Variants in SMIM36 observed in about 807,000 individuals in gnomAD.
SMIM36 encodes the protein small integral membrane protein 36.
chr17:55,459,062 T>C (rs754076698), intron 4 of SMIM36, among the ~76,000 whole-genome samples: 6 of 152,172 alleles, frequency 3.9e-5, no homozygotes, highest in Non-Finnish European at 7.3e-5. Context: ...TTCACCCCTA[T>C]ACACTACTAA....
intron 1 of SMIM36, among the ~76,000 whole-genome samples, chr17:55,492,041 C>T (rs576730406): frequency 1.3e-5 from 2 of 151,590 alleles, no homozygotes; most frequent in Admixed American, 6.6e-5. Context: ...CACCTGTAGT[C>T]CCAGCTACTC....
intron 1 of SMIM36, among the ~76,000 whole-genome samples, chr17:55,488,923 A>G (rs865863716): frequency 8.8e-6 from 1 of 113,388 alleles, no homozygotes; most frequent in Non-Finnish European, 2.0e-5. Flanking sequence ...CATCATCATC[A>G]TCATCATTGC....
At chr17:55,453,035 G>A (rs1908949683) in intron 4 of SMIM36, among the ~76,000 whole-genome samples, 2 of 152,210 alleles carry the variant, frequency 1.3e-5, no homozygotes, top group African/African-American at 4.8e-5. Context: ...CGGGCTGGGT[G>A]TGGTTGGCTC....
chr17:55,516,629 G>A, the SMIM36 span, among the ~76,000 whole-genome samples: 1 of 144,102 alleles, frequency 6.9e-6, no homozygotes, highest in African/African-American at 2.6e-5. Flanking sequence ...CACAGTCTTG[G>A]CTCACTGCAA....
chr17:55,508,915 C>G (rs1910131715), intron 1 of SMIM36, among the ~76,000 whole-genome samples: 1 of 116,952 alleles, frequency 8.6e-6, no homozygotes, highest in Non-Finnish European at 1.6e-5. Context: ...AAGGGCAAGG[C>G]TCTGTCTCAG....
At chr17:55,478,345 T>G (rs1909461869) in intron 3 of SMIM36, among the ~76,000 whole-genome samples, 1 of 151,936 alleles carries the variant, frequency 6.6e-6, no homozygotes, top group East Asian at 1.9e-4. Context: ...GTGATCCTCC[T>G]GCCTCAGCCT....
At chr17:55,465,875 A>T (rs1474625171) in intron 4 of SMIM36, among the ~76,000 whole-genome samples, 1 of 152,190 alleles carries the variant, frequency 6.6e-6, no homozygotes, top group African/African-American at 2.4e-5. Flanking sequence ...CAGTCTCTGC[A>T]TAGGTGATTT....
chr17:55,471,831 C>T (rs955549142), intron 3 of SMIM36, among the ~76,000 whole-genome samples: 1 of 152,186 alleles, frequency 6.6e-6, no homozygotes, highest in African/African-American at 2.4e-5. Flanking sequence ...AACTTGACCT[C>T]ACAGTTCTGG....
At chr17:55,458,364 C>T (rs1159816355) in intron 4 of SMIM36, 1 of 152,080 alleles carries the variant, frequency 6.6e-6, no homozygotes, top group African/African-American at 2.4e-5. Flanking sequence ...TATGGGAGTG[C>T]TGGGAAGGGA....
chr17:55,469,073 C>T lies in SMIM36; in HGVS notation c.*348-1745G>A, dbSNP rs891717564. On this transcript the variant is annotated intron_variant, in intron 3 of 4. Coordinates refer to ENST00000636752, the Ensembl canonical transcript of SMIM36. Reference sequence around the variant, plus strand: ...CCTGTCTGTTCCTTCAGTCTCCACCCCAAGTTCTGAGTCCTTTGAATCCTC... The same window carrying T: ...CCTGTCTGTTCCTTCAGTCTCCACCTCAAGTTCTGAGTCCTTTGAATCCTC... 5.3e-5 allele frequency among the ~76,000 whole-genome samples: 8 copies of T among 152,154 alleles called. No homozygotes were observed. The South Asian group carries it at 1.7e-3, about 32-fold the overall frequency.
chr17:55,464,934 G>T (rs1172762802), intron 4 of SMIM36, among the ~76,000 whole-genome samples: 1 of 152,138 alleles, frequency 6.6e-6, no homozygotes, highest in Non-Finnish European at 1.5e-5. Context: ...ATAGGCAATT[G>T]ATAAAATGGA....
At chr17:55,500,127 AT>A (rs199545953) in intron 1 of SMIM36, among the ~76,000 whole-genome samples, 2 of 149,642 alleles carry the variant, frequency 1.3e-5, no homozygotes, top group Admixed American at 1.3e-4. Context: ...ATTAAAAAAA[AT>A]TTTTTTTTTA....
chr17:55,483,996 G>C (rs962396831), intron 1 of SMIM36, among the ~76,000 whole-genome samples: 35 of 151,940 alleles, frequency 2.3e-4, no homozygotes, highest in African/African-American at 8.2e-4. Context: ...CATTCTATTA[G>C]CTTTGTTTCT....
At chr17:55,466,277 CAAAAAA>C (rs796506078) in intron 4 of SMIM36, among the ~76,000 whole-genome samples, 4 of 46,882 alleles carry the variant, frequency 8.5e-5, no homozygotes, top group Non-Finnish European at 1.6e-4. Flanking sequence ...GACTCCGTCT[CAAAAAA>C]AAAAAAAAAA....
chr17:55,456,440 C>T (rs1349588662), intron 4 of SMIM36, among the ~76,000 whole-genome samples: 2 of 152,184 alleles, frequency 1.3e-5, no homozygotes, highest in Non-Finnish European at 2.9e-5. Flanking sequence ...AACAATTTAT[C>T]ATTCCATCTT....
At chr17:55,500,064 A>G (rs1172999612) in intron 1 of SMIM36, among the ~76,000 whole-genome samples, 4 of 151,644 alleles carry the variant, frequency 2.6e-5, no homozygotes, top group South Asian at 2.1e-4. Flanking sequence ...TCTGAGGCCA[A>G]ATATTCTTGG....
At chr17:55,507,805 T>G (rs577037245) in intron 1 of SMIM36, among the ~76,000 whole-genome samples, 1 of 152,062 alleles carries the variant, frequency 6.6e-6, no homozygotes. Context: ...TCTTCCGAAC[T>G]GCAATTCTCC....
chr17:55,477,507 C>T (rs922520968), intron 3 of SMIM36, among the ~76,000 whole-genome samples: 13 of 152,232 alleles, frequency 8.5e-5, no homozygotes, highest in African/African-American at 1.4e-4. Context: ...GATTAGGGCC[C>T]GCTCTAATGA....
At chr17:55,527,376 A>G in the SMIM36 span, among the ~76,000 whole-genome samples, 2 of 152,130 alleles carry the variant, frequency 1.3e-5, no homozygotes, top group African/African-American at 4.8e-5. Context: ...TTTAGCCAAG[A>G]TCTAGTGAGC....
Sources: allele counts gnomAD v4.1 joint callset (sites outside exome capture counted in the v4.1 genomes callset), GRCh38; gene constraint gnomAD v4.1.1; transcripts MANE v1.5; gene names NCBI Gene and HGNC (gene_info 2026-07-23, HGNC 2026-07-21).